ARL15: variants seen among roughly 807,000 people sequenced by gnomAD.
The protein encoded by ARL15 is ADP-ribosylation factor-like protein 15.
Under a neutral mutation model 25.2 loss-of-function variants are expected in ARL15, and 19 were observed. The ratio of observed to expected loss-of-function variants is 0.75; its 90% CI spans 0.53 to 1.10. The LOEUF (loss-of-function observed/expected upper bound fraction) is 1.10, where lower values mean the gene tolerates loss of function less well. ARL15 is among the 50% of genes least tolerant of loss of function. The pLI is 0.00. For synonymous variants in ARL15, 94 were observed against 86.8 expected (o/e 1.08, Z -0.46); for missense variants, 220 against 246.0 (o/e 0.89, Z 0.71).
chr5:53,924,254 G>T (rs1745949694), intron 4 of ARL15, among the ~76,000 whole-genome samples: 1 of 152,100 alleles, frequency 6.6e-6, no homozygotes, highest in South Asian at 2.1e-4. Flanking sequence ...CATTCATTTG[G>T]TGTTGTCTTT....
rs547095756 is a variant in ARL15 at position 54,070,713 on chromosome 5, C to T, written c.462+42489G>A. Among the ~76,000 whole-genome samples, 15 of 151,598 alleles carry T rather than the reference C, an allele frequency of 9.9e-5. No homozygotes were observed. In the South Asian group the frequency reaches 1.5e-3, roughly 15 times the overall value. On this transcript the variant is annotated intron_variant, in intron 4 of 4. Coordinates refer to ENST00000504924, the MANE Select transcript of ARL15 (RefSeq NM_019087.3). The stretch of plus-strand genomic sequence containing the variant: ...AAAAAATATTGGCTGAGTGTGGTGG[C>T]GAGCACCTGTAGTCCCAGCTACTTG...
chr5:54,191,953 GCCTCCTT>G (rs1318785510), intron 1 of ARL15, among the ~76,000 whole-genome samples: 3 of 152,012 alleles, frequency 2.0e-5, no homozygotes, highest in Admixed American at 6.6e-5. Context: ...TATAAAATCT[GCCTCCTT>G]CCTCCTTCCT....
intron 1 of ARL15, among the ~76,000 whole-genome samples, chr5:54,197,841 A>C (rs948428558): frequency 2.6e-5 from 4 of 152,010 alleles, no homozygotes; most frequent in Non-Finnish European, 5.9e-5. Context: ...GAGACACAAC[A>C]AAAAAAGAGA....
intron 4 of ARL15, among the ~76,000 whole-genome samples, chr5:54,029,694 A>G (rs1045652606): frequency 6.6e-6 from 1 of 152,068 alleles, no homozygotes; most frequent in Non-Finnish European, 1.5e-5. Context: ...CCCTGTCTCT[A>G]TAAAAAATAA....
At chr5:54,186,251 A>G (rs1453478265) in intron 1 of ARL15, among the ~76,000 whole-genome samples, 1 of 152,210 alleles carries the variant, frequency 6.6e-6, no homozygotes, top group African/African-American at 2.4e-5. Context: ...TAGCGCGGAG[A>G]AGCCAATACG....
intron 1 of ARL15, among the ~76,000 whole-genome samples, chr5:54,294,315 C>T (rs1477293037): frequency 6.6e-6 from 1 of 152,214 alleles, no homozygotes; most frequent in African/African-American, 2.4e-5. Flanking sequence ...TCTACAGCTG[C>T]TTTCAAACTA....
intron 4 of ARL15, among the ~76,000 whole-genome samples, chr5:53,964,366 A>G (rs1218099780): frequency 6.6e-6 from 1 of 151,722 alleles, no homozygotes; most frequent in East Asian, 1.9e-4. Context: ...TATTTTATTT[A>G]TTTATTTTTT....
intron 1 of ARL15, among the ~76,000 whole-genome samples, chr5:54,303,014 C>T (rs1362870881): frequency 6.6e-6 from 1 of 152,118 alleles, no homozygotes; most frequent in Non-Finnish European, 1.5e-5. Context: ...CACTTCTTGT[C>T]ACCTACAATA....
chr5:53,973,574 C>CAAA (rs34108460), intron 4 of ARL15, among the ~76,000 whole-genome samples: 13 of 87,100 alleles, frequency 1.5e-4, no homozygotes, highest in Non-Finnish European at 2.1e-4. Flanking sequence ...AACTTCATCT[C>CAAA]AAAAAAAAAA....
intron 4 of ARL15, among the ~76,000 whole-genome samples, chr5:54,109,091 T>C (rs984479831): frequency 6.6e-6 from 1 of 152,132 alleles, no homozygotes; most frequent in African/African-American, 2.4e-5. Context: ...AATAACAAAC[T>C]GAATTAAAAT....
In ARL15 at chr5:54,029,319, ACC is replaced by A. The variant is rs1388483485; in HGVS notation, c.462+83881_462+83882del. Among the ~76,000 whole-genome samples, 243 of 119,498 alleles carry A rather than the reference ACC, an allele frequency of 2.0e-3. 2 individuals are homozygous for A. Among genetic ancestry groups the A allele is most frequent in the Admixed American group, 4.0e-3 (48 of 12,046 alleles). The allele number at this position is 119,498 out of a possible 152,430, so 78.4% of individuals were successfully genotyped here. On this transcript the variant is annotated intron_variant, in intron 4 of 4. Transcript: ENST00000504924. ...TATAAAAACAGTTACCACCACCACC[ACC>A]ACCACCACCACTACCACCACCACCA...
chr5:54,106,420 A>T (rs1752591692), intron 4 of ARL15, among the ~76,000 whole-genome samples: 1 of 152,162 alleles, frequency 6.6e-6, no homozygotes, highest in Non-Finnish European at 1.5e-5. Flanking sequence ...CACTCTTTCA[A>T]ACAAAATACA....
At chr5:54,062,159 C>T (rs947487336) in intron 4 of ARL15, among the ~76,000 whole-genome samples, 1 of 152,156 alleles carries the variant, frequency 6.6e-6, no homozygotes, top group African/African-American at 2.4e-5. Flanking sequence ...TGCCTGTACC[C>T]GCATTGTACG....
At chr5:54,267,850 T>C (rs1422630532) in intron 1 of ARL15, among the ~76,000 whole-genome samples, 4 of 152,178 alleles carry the variant, frequency 2.6e-5, no homozygotes, top group African/African-American at 9.7e-5. Context: ...GTTAGTCTGA[T>C]GGGCTTCCCT....
intron 4 of ARL15, among the ~76,000 whole-genome samples, chr5:54,109,160 A>G (rs1752668280): frequency 6.6e-6 from 1 of 151,982 alleles, no homozygotes; most frequent in African/African-American, 2.4e-5. Context: ...TGACACCCTA[A>G]TTTAGAAGCT....
intron 1 of ARL15, among the ~76,000 whole-genome samples, chr5:54,256,499 A>AAATTGGTACC (rs1441920734): frequency 1.3e-5 from 2 of 151,502 alleles, no homozygotes; most frequent in Non-Finnish European, 2.9e-5. Flanking sequence ...ATTCAAGAAA[A>AAATTGGTACC]AATTGGTACC....
chr5:54,040,620 A>G (rs896053348), intron 4 of ARL15, among the ~76,000 whole-genome samples: 1 of 152,186 alleles, frequency 6.6e-6, no homozygotes, highest in African/African-American at 2.4e-5. Flanking sequence ...AAATCCTCAA[A>G]GCCAAATACA....
intron 4 of ARL15, among the ~76,000 whole-genome samples, chr5:53,891,897 C>T (rs568508905): frequency 4.6e-5 from 7 of 152,272 alleles, no homozygotes; most frequent in African/African-American, 1.2e-4. Context: ...TGCCAGCAGA[C>T]GGGGCTCCAC....
chr5:54,023,660 T>C (rs751643595), intron 4 of ARL15, among the ~76,000 whole-genome samples: 1 of 152,140 alleles, frequency 6.6e-6, no homozygotes, highest in African/African-American at 2.4e-5. Flanking sequence ...CTGACCTTCC[T>C]CCTCCCTTCC....
Sources: gnomAD v4.1 joint callset for allele counts (sites outside exome capture counted in the v4.1 genomes callset) on GRCh38, gnomAD v4.1.1 for gene constraint, MANE v1.5 for transcripts, NCBI Gene and HGNC (gene_info 2026-07-23, HGNC 2026-07-21) for gene names.